The following RYR3 variants were observed in gnomAD, a reference collection of about 807,000 sequenced individuals.
The protein encoded by RYR3 is ryanodine receptor 3, also known as brain ryanodine receptor-calcium release channel.
RYR3 carries 207 observed loss-of-function variants against 584.3 expected under a neutral mutation model. The observed-to-expected ratio is 0.35, with a 90% CI of 0.32 to 0.40. The LOEUF (loss-of-function observed/expected upper bound fraction) is 0.40, where lower values mean the gene tolerates loss of function less well. RYR3 is among the 10% of genes least tolerant of loss of function. The pLI is 1.00. For missense variants in RYR3, 5,616 were observed against 6,089.2 expected (o/e 0.92, Z 2.59); for synonymous variants, 2,416 against 2,248.5 (o/e 1.07, Z -2.11).
At chr15:33,743,463 T>G (rs937802317) in intron 52 of RYR3, among the ~76,000 whole-genome samples, 2 of 152,160 alleles carry the variant, frequency 1.3e-5, no homozygotes, top group Non-Finnish European at 2.9e-5. Context: ...CAAAAGTGGG[T>G]GCCTGTGTTC....
At chr15:33,540,369 G>A (rs2055715620) in intron 6 of RYR3, among the ~76,000 whole-genome samples, 1 of 152,102 alleles carries the variant, frequency 6.6e-6, no homozygotes, top group South Asian at 2.1e-4. Flanking sequence ...TTGTCTGGGG[G>A]TGGGGATGCC....
chr15:33,788,096 A>T lies in RYR3; in HGVS notation c.9590-122A>T, dbSNP rs113285137. ...TATCAAGGGGAAGATTGAGGAAGGGAACAAGGGGCAGGTGCCATCCTGAGT... is the reference window on the plus strand; with the variant it reads ...TATCAAGGGGAAGATTGAGGAAGGGTACAAGGGGCAGGTGCCATCCTGAGT... On this transcript the variant is annotated intron_variant, in intron 66 of 103. Coordinates refer to ENST00000634891, the MANE Select transcript of RYR3 (RefSeq NM_001036.6). 421 of 1,232,352 alleles carry T rather than the reference A, an allele frequency of 3.4e-4. 2 individuals are homozygous for T. The African/African-American group carries it at 5.3e-3, about 15-fold the overall frequency. 76.3% of individuals were successfully genotyped at this position (1,232,352 alleles called of 1,614,324 possible). A position where few individuals can be genotyped will look rare whatever the true frequency, so the allele number is the denominator to read the frequency against.
Position 33,742,474 on chromosome 15 carries a change from C to CA in RYR3, c.7899+31dup, listed in dbSNP as rs1444365307. 51 of 1,475,484 alleles carry CA rather than the reference C, an allele frequency of 3.5e-5. No individual in the cohort carries two copies. The African/African-American group carries it at 6.2e-4, about 18-fold the overall frequency. 91.4% of individuals were successfully genotyped at this position (1,475,484 alleles called of 1,614,324 possible). A position where few individuals can be genotyped will look rare whatever the true frequency, so the allele number is the denominator to read the frequency against. The stretch of plus-strand genomic sequence containing the variant: ...GGATTATCATCCAACTGACAATCGT[C>CA]AGGAAGGAAAAACAGCCCAAGAACA... On this transcript the variant is annotated intron_variant, in intron 52 of 103. Transcript: ENST00000634891.
At chr15:33,494,102 A>T (rs939961006) in intron 2 of RYR3, among the ~76,000 whole-genome samples, 1 of 150,406 alleles carries the variant, frequency 6.6e-6, no homozygotes, top group Non-Finnish European at 1.5e-5. Context: ...GATTGTGGCT[A>T]TTTTTTTTTT....
At chr15:33,329,931 G>T (rs1224133770) in intron 1 of RYR3, among the ~76,000 whole-genome samples, 1 of 152,120 alleles carries the variant, frequency 6.6e-6, no homozygotes, top group African/African-American at 2.4e-5. Context: ...TGGGAGTCGG[G>T]AAGGAAATAT....
Position 33,831,018 on chromosome 15 carries a change from C to G in RYR3, c.11390C>G (p.Ser3797Cys), listed in dbSNP as rs1489527239. ...YYSGKDIIDE[S>C]GQHNFSKALA... ...TCAGGGAAGGACATCATTGATGAATCTGGACAGCACAATTTTTCCAAAGCT... is the reference window on the plus strand; with the variant it reads ...TCAGGGAAGGACATCATTGATGAATGTGGACAGCACAATTTTTCCAAAGCT... The change falls in exon 86 of 104, where the codon TCT (serine) becomes TGT (cysteine). Residue 3797 changes from serine to cysteine, a missense_variant. By Grantham distance (112) the Ser-to-Cys change is moderately radical. Around this residue, in one of 9 missense-constraint regions of RYR3, gnomAD observed 954 missense variants for 1,132.2 expected, o/e 0.84. Coordinates refer to ENST00000634891, the MANE Select transcript of RYR3 (RefSeq NM_001036.6). 7 of 1,613,514 alleles carry G rather than the reference C, an allele frequency of 4.3e-6. No homozygotes were observed. Among genetic ancestry groups the G allele is most frequent in the Non-Finnish European group, 5.9e-6 (7 of 1,179,638 alleles).
chr15:33,860,354 A>G lies in RYR3; in HGVS notation c.14300-241A>G, dbSNP rs143505587. Among the ~76,000 whole-genome samples the G allele has an allele frequency of 4.8e-3, 730 of 152,322 alleles. 7 individuals carry two copies. The highest frequency in any genetic ancestry group is 0.017 in the African/African-American group (703 of 41,574). On this transcript the variant is annotated intron_variant, in intron 100 of 103. Coordinates refer to ENST00000634891, the MANE Select transcript of RYR3 (RefSeq NM_001036.6). ...CCAACCAGGGAGAAGTAGAAAGGAA[A>G]GAGTTTCAGGGAGGAGCAAGTAGTT...
chr15:33,440,975 T>G (rs1448823414), intron 1 of RYR3, among the ~76,000 whole-genome samples: 1 of 152,204 alleles, frequency 6.6e-6, no homozygotes, highest in African/African-American at 2.4e-5. Flanking sequence ...TTTCTTGTGG[T>G]GGTAACGATG....
chr15:33,816,016 C>T (rs371191080), intron 74 of RYR3: 25 of 395,702 alleles, frequency 6.3e-5, no homozygotes, highest in African/African-American at 1.4e-4. Flanking sequence ...CATAAGAACA[C>T]GAATTTGTAC....
In RYR3 at chr15:33,788,307, G is replaced by A. The variant is rs1419371049; in HGVS notation, c.9679G>A (p.Val3227Ile). 2 of 1,613,908 alleles carry A rather than the reference G, an allele frequency of 1.2e-6. No homozygotes were observed. The highest frequency in any genetic ancestry group is 1.7e-6 in the Non-Finnish European group (2 of 1,179,900). ...TCTGGAGAAGCTGAAGAAAAAGGCT[G>A]TCAAGACGGTGCAGGAGGAGGAGCA... ...PTLEKLKKKA[V>I]KTVQEEEQLK... Residue 3227 changes from valine to isoleucine, a missense_variant, in exon 67 of 104, where the codon GTC becomes ATC. Physicochemically the swap from Val to Ile is conservative, Grantham distance 29 (BLOSUM62 3). Around this residue, in one of 9 missense-constraint regions of RYR3, gnomAD observed 954 missense variants for 1,132.2 expected, o/e 0.84. Transcript: ENST00000634891.
At chr15:33,816,764 T>A in intron 74 of RYR3, 98 bp from the exon 75 acceptor site, 1 of 705,950 alleles carries the variant, frequency 1.4e-6, no homozygotes, top group Non-Finnish European at 2.4e-6. Flanking sequence ...ACAAGAATTG[T>A]ACAAAAGTCT....
intron 62 of RYR3, among the ~76,000 whole-genome samples, chr15:33,771,121 A>G (rs2073534156): frequency 6.6e-6 from 1 of 152,180 alleles, no homozygotes; most frequent in Admixed American, 6.5e-5. Flanking sequence ...TCCTCATCCA[A>G]CCTAGGACGT....
intron 51 of RYR3, 70 bp downstream of exon 51, chr15:33,740,065 A>G: frequency 1.4e-6 from 2 of 1,391,978 alleles, no homozygotes; most frequent in Non-Finnish European, 2.0e-6. Context: ...TCCAGAGGGT[A>G]GCAAGAAATG....
chr15:33,755,691 C>T (rs2071753112), intron 58 of RYR3, among the ~76,000 whole-genome samples: 1 of 152,174 alleles, frequency 6.6e-6, no homozygotes, highest in African/African-American at 2.4e-5. Flanking sequence ...CATTTTTTCG[C>T]ACAACTTATC....
chr15:33,857,547 A>C (rs1385114521), intron 98 of RYR3, among the ~76,000 whole-genome samples: 1 of 151,890 alleles, frequency 6.6e-6, no homozygotes, highest in African/African-American at 2.4e-5. Flanking sequence ...TTCAGCCCCC[A>C]ACACCCCATC....
intron 1 of RYR3, among the ~76,000 whole-genome samples, chr15:33,407,833 G>A (rs1260541765): frequency 6.6e-6 from 1 of 152,118 alleles, no homozygotes; most frequent in Non-Finnish European, 1.5e-5. Flanking sequence ...GCTAACCATA[G>A]GTTATTAAGG....
chr15:33,864,825 G>C, intron 103 of RYR3: 1 of 281,372 alleles, frequency 3.6e-6, no homozygotes, highest in South Asian at 9.0e-5. Context: ...TTCCACCAGC[G>C]GCATGGAATC....
chr15:33,646,676 G>A (rs1466320938), intron 29 of RYR3, 150 bp downstream of exon 29: 1 of 688,818 alleles, frequency 1.5e-6, no homozygotes, highest in East Asian at 2.7e-5. Context: ...GAATGTATGT[G>A]CACGCATGTA....
intron 1 of RYR3, among the ~76,000 whole-genome samples, chr15:33,434,733 C>A (rs897624682): frequency 6.6e-6 from 1 of 152,176 alleles, no homozygotes; most frequent in Non-Finnish European, 1.5e-5. Context: ...TAACCTCTAA[C>A]CAGAATGTGT....
Sources: gnomAD v4.1 joint callset for allele counts (sites outside exome capture counted in the v4.1 genomes callset) on GRCh38, gnomAD v4.1.1 for gene constraint, gnomAD v4.1.1 regional missense constraint, MANE v1.5 for transcripts, NCBI Gene and HGNC (gene_info 2026-07-23, HGNC 2026-07-21) for gene names.